The following LPP variants were observed in gnomAD, a reference collection of about 807,000 sequenced individuals.
LPP encodes LIM domain containing preferred translocation partner in lipoma.
In LPP, 38 loss-of-function variants were observed where a neutral mutation model predicts 60.4. The ratio of observed to expected loss-of-function variants is 0.63; its 90% CI spans 0.49 to 0.83. The LOEUF (loss-of-function observed/expected upper bound fraction) is 0.83, where lower values mean the gene tolerates loss of function less well. LPP is among the 40% of genes least tolerant of loss of function. The pLI is 0.00. For synonymous variants in LPP, 328 were observed against 290.8 expected, an observed-to-expected ratio of 1.13 and a Z score of -1.30; for missense variants, 902 against 783.6, an observed-to-expected ratio of 1.15 and a Z score of -1.80.
At chr3:188,271,437 C>T (rs142222455) in intron 2 of LPP, among the ~76,000 whole-genome samples, 40 of 152,270 alleles carry the variant, frequency 2.6e-4, no homozygotes, top group African/African-American at 8.7e-4. Context: ...CCACAGCTTC[C>T]TCACACCTCA....
At chr3:188,778,342 A>G (rs1045634326) in intron 9 of LPP, among the ~76,000 whole-genome samples, 3 of 152,186 alleles carry the variant, frequency 2.0e-5, no homozygotes, top group Non-Finnish European at 2.9e-5. Context: ...GCTCATTTAT[A>G]TACAGTTCCT....
chr3:188,867,967 C>T (rs1055829179), intron 10 of LPP, among the ~76,000 whole-genome samples: 2 of 152,130 alleles, frequency 1.3e-5, no homozygotes, highest in Admixed American at 6.5e-5. Flanking sequence ...AAAGTGAAAA[C>T]CTCACCAAAA....
rs1769516919 is a variant in LPP, at chr3:188,878,562, G to A, written c.*4083G>A. On this transcript the variant is annotated 3_prime_UTR_variant, in exon 12 of 12. Coordinates refer to ENST00000617246, the MANE Select transcript of LPP (RefSeq NM_001375462.1). Reference sequence around the variant, plus strand: ...CCAGCAAACTGAAAAAGACACCTCTGCAAAATGTGCCTCAAGTCCATTTCT... The same window carrying A: ...CCAGCAAACTGAAAAAGACACCTCTACAAAATGTGCCTCAAGTCCATTTCT... 1 of 211,428 alleles carries A rather than the reference G, an allele frequency of 4.7e-6. No homozygotes were observed. Among genetic ancestry groups the A allele is most frequent in the Non-Finnish European group, 9.6e-6 (1 of 103,950 alleles). 13.1% of individuals were successfully genotyped at this position (211,428 alleles called of 1,614,324 possible).
At chr3:188,706,345 G>C (rs1453959434) in intron 7 of LPP, among the ~76,000 whole-genome samples, 1 of 152,126 alleles carries the variant, frequency 6.6e-6, no homozygotes, top group East Asian at 1.9e-4. Flanking sequence ...TGTAACCTGA[G>C]CATATGCCAT....
At chr3:188,314,614 T>TGTGA (rs1754489945) in intron 2 of LPP, among the ~76,000 whole-genome samples, 1 of 151,956 alleles carries the variant, frequency 6.6e-6, no homozygotes, top group Admixed American at 6.6e-5. Context: ...TGTGTGTGTG[T>TGTGA]GATCGAGACC....
At chr3:188,844,684 T>C (rs1760988927) in intron 9 of LPP, among the ~76,000 whole-genome samples, 1 of 152,256 alleles carries the variant, frequency 6.6e-6, no homozygotes. Flanking sequence ...TCCATCTCTT[T>C]GGACATATGC....
intron 5 of LPP, among the ~76,000 whole-genome samples, chr3:188,521,035 A>C (rs1292222390): frequency 6.6e-6 from 1 of 152,184 alleles, no homozygotes; most frequent in Non-Finnish European, 1.5e-5. Flanking sequence ...ATATCTACAG[A>C]TTCGTGGCAG....
chr3:188,656,933 C>T (rs956978208), intron 7 of LPP, among the ~76,000 whole-genome samples: 9 of 152,012 alleles, frequency 5.9e-5, no homozygotes, highest in African/African-American at 2.2e-4. Context: ...TTCCAATATC[C>T]CTTGTTCTTC....
chr3:188,285,739 C>T (rs1164457995), intron 2 of LPP, among the ~76,000 whole-genome samples: 1 of 152,130 alleles, frequency 6.6e-6, no homozygotes, highest in Non-Finnish European at 1.5e-5. Context: ...AGCACCAGCA[C>T]CAACAGCCTC....
intron 5 of LPP, among the ~76,000 whole-genome samples, chr3:188,489,569 A>G (rs1807700154): frequency 6.6e-6 from 1 of 152,162 alleles, no homozygotes. Flanking sequence ...ACCATTGACA[A>G]TTTATTGTAG....
At chr3:188,221,401 C>A (rs776302197) in intron 1 of LPP, among the ~76,000 whole-genome samples, 9 of 152,100 alleles carry the variant, frequency 5.9e-5, no homozygotes, top group Non-Finnish European at 1.3e-4. Context: ...CTTCGACACC[C>A]CTAGGCATGT....
intron 9 of LPP, among the ~76,000 whole-genome samples, chr3:188,842,378 A>T (rs1760259590): frequency 6.6e-6 from 1 of 152,110 alleles, no homozygotes; most frequent in East Asian, 1.9e-4. Flanking sequence ...TTCTTAGATT[A>T]TTTTCCTATA....
At chr3:188,558,465 T>G (rs1345341690) in intron 6 of LPP, among the ~76,000 whole-genome samples, 1 of 152,078 alleles carries the variant, frequency 6.6e-6, no homozygotes, top group East Asian at 1.9e-4. Context: ...ATATATACCC[T>G]GTTATGGTTG....
chr3:188,755,210 A>G (rs891327750), intron 8 of LPP, among the ~76,000 whole-genome samples: 10 of 152,252 alleles, frequency 6.6e-5, no homozygotes, highest in African/African-American at 2.4e-4. Flanking sequence ...TAATTCAAGT[A>G]GCAAGGAAGA....
intron 5 of LPP, among the ~76,000 whole-genome samples, chr3:188,515,170 A>G (rs893148714): frequency 6.6e-6 from 1 of 152,012 alleles, no homozygotes; most frequent in Non-Finnish European, 1.5e-5. Context: ...AATGGGAGAT[A>G]CTCGATCACA....
chr3:188,309,310 C>T (rs754874631), intron 2 of LPP, among the ~76,000 whole-genome samples: 4 of 152,038 alleles, frequency 2.6e-5, no homozygotes, highest in Admixed American at 6.6e-5. Context: ...CATGAGCCAC[C>T]GCACCTGTCC....
At chr3:188,160,959 A>G (rs1235672715) in intron 1 of LPP, among the ~76,000 whole-genome samples, 1 of 152,238 alleles carries the variant, frequency 6.6e-6, no homozygotes, top group African/African-American at 2.4e-5. Context: ...AGAAGTGAAT[A>G]GGAGTTTACA....
In LPP at chr3:188,886,660, T is replaced by G. The variant is rs1393355536; in HGVS notation, c.*12181T>G. ...AAAAAACTAATAAAAATTTTCGTATTTCACTTTACATAATATGTTCTCCCA... is the reference window on the plus strand; with the variant it reads ...AAAAAACTAATAAAAATTTTCGTATGTCACTTTACATAATATGTTCTCCCA... On this transcript the variant is annotated 3_prime_UTR_variant, in exon 12 of 12. Coordinates refer to ENST00000617246, the MANE Select transcript of LPP (RefSeq NM_001375462.1). 1.8e-5 allele frequency: 4 copies of G among 216,516 alleles called. No homozygotes were observed. The highest frequency in any genetic ancestry group is 3.7e-5 in the Non-Finnish European group (4 of 108,696). 13.4% of individuals were successfully genotyped at this position (216,516 alleles called of 1,614,324 possible). A position where few individuals can be genotyped will look rare whatever the true frequency, so the allele number is the denominator to read the frequency against.
intron 6 of LPP, among the ~76,000 whole-genome samples, chr3:188,560,696 A>C (rs1996244): frequency 0.99 from 151,365 of 152,224 alleles, 75,260 homozygotes; most frequent in Middle Eastern, 1. Flanking sequence ...TCTTCTTTTT[A>C]TGGAATTCAA....
Sources: allele counts gnomAD v4.1 joint callset (sites outside exome capture counted in the v4.1 genomes callset), GRCh38; gene constraint gnomAD v4.1.1; transcripts MANE v1.5; gene names NCBI Gene and HGNC (gene_info 2026-07-23, HGNC 2026-07-21).